Variants in ANKRD44 observed in about 807,000 individuals in gnomAD.
ANKRD44 encodes serine/threonine-protein phosphatase 6 regulatory ankyrin repeat subunit B.
A neutral mutation model predicts 116.0 loss-of-function variants in ANKRD44; 35 were observed. The ratio of observed to expected loss-of-function variants is 0.30; its 90% confidence interval spans 0.23 to 0.40. The LOEUF is 0.40. Ranked by LOEUF, ANKRD44 falls within the 10% of genes least tolerant of loss-of-function variation. The pLI is 1.00. For synonymous variants in ANKRD44, 435 were observed against 461.8 expected, an observed-to-expected ratio of 0.94 and a Z score of 0.74; for missense variants, 1,014 against 1,242.6, an observed-to-expected ratio of 0.82 and a Z score of 2.77.
intron 22 of ANKRD44, 104 bp from the exon 23 acceptor site, chr2:197,000,606 T>A: frequency 1.1e-6 from 1 of 922,070 alleles, no homozygotes; most frequent in Non-Finnish European, 1.7e-6. Flanking sequence ...CTGAAGCATT[T>A]AAAAAATCGA....
rs144144101 is a variant in ANKRD44, at chr2:197,198,952, C to T, written c.28-11846G>A. On this transcript the variant is annotated intron_variant, in intron 1 of 27. Coordinates refer to ENST00000282272, the MANE Select transcript of ANKRD44 (RefSeq NM_001195144.2). Reference sequence around the variant, plus strand: ...CTCGGGAGCAGCGCCAGCCCGACATCGGCGGAGGAGCACCGGAAGTTCTGC... The same window carrying T: ...CTCGGGAGCAGCGCCAGCCCGACATTGGCGGAGGAGCACCGGAAGTTCTGC... 6.5e-3 allele frequency: 985 copies of T among 152,450 alleles called. 4 individuals carry two copies. The highest frequency in any genetic ancestry group is 0.014 in the Middle Eastern group (4 of 296). 9.4% of individuals were successfully genotyped at this position (152,450 alleles called of 1,614,324 possible).
intron 10 of ANKRD44, among the ~76,000 whole-genome samples, chr2:197,090,899 C>T (rs1275986139): frequency 1.3e-5 from 2 of 152,318 alleles, no homozygotes; most frequent in East Asian, 3.9e-4. Context: ...CCCATCCCAT[C>T]CCCTTTTCAG....
At chr2:197,129,140 CTTTTTTT>C (rs761063333) in intron 4 of ANKRD44, among the ~76,000 whole-genome samples, 1 of 142,092 alleles carries the variant, frequency 7.0e-6, no homozygotes, top group Non-Finnish European at 1.5e-5. Context: ...GTTTCTTTTT[CTTTTTTT>C]TTTTTTTGAG....
At chr2:197,112,703 G>C (rs1428824748) in intron 8 of ANKRD44, among the ~76,000 whole-genome samples, 1 of 121,802 alleles carries the variant, frequency 8.2e-6, no homozygotes, top group Non-Finnish European at 1.7e-5. Flanking sequence ...GCGAGACTCC[G>C]TCTCAAAAAA....
chr2:197,195,430 C>T (rs2125636090), intron 1 of ANKRD44, among the ~76,000 whole-genome samples: 1 of 152,292 alleles, frequency 6.6e-6, no homozygotes, highest in East Asian at 1.9e-4. Context: ...GCTGTTGCTA[C>T]AATCCAAGCC....
At chr2:197,158,186 C>T (rs188034688) in intron 2 of ANKRD44, among the ~76,000 whole-genome samples, 31 of 152,286 alleles carry the variant, frequency 2.0e-4, no homozygotes, top group African/African-American at 6.0e-4. Context: ...AGCAGGTCTT[C>T]GGAGTACCAC....
intron 2 of ANKRD44, among the ~76,000 whole-genome samples, chr2:197,149,541 C>T (rs1439323841): frequency 2.6e-5 from 4 of 152,152 alleles, no homozygotes; most frequent in South Asian, 2.1e-4. Context: ...AATAACTATG[C>T]GAATTGATAC....
chr2:197,012,141 G>C (rs1244446234), intron 18 of ANKRD44, among the ~76,000 whole-genome samples: 1 of 152,218 alleles, frequency 6.6e-6, no homozygotes, highest in Non-Finnish European at 1.5e-5. Flanking sequence ...TAAAGCTTCT[G>C]CACAGTAGAC....
intron 1 of ANKRD44, among the ~76,000 whole-genome samples, chr2:197,303,172 C>T (rs2083964053): frequency 1.3e-5 from 2 of 152,200 alleles, no homozygotes; most frequent in African/African-American, 4.8e-5. Context: ...TTTAAAGCTG[C>T]CACAAACACA....
chr2:197,111,429 G>C (rs1006200088), intron 8 of ANKRD44, among the ~76,000 whole-genome samples: 1 of 152,054 alleles, frequency 6.6e-6, no homozygotes, highest in African/African-American at 2.4e-5. Flanking sequence ...GATCGTTTGA[G>C]ATAGTTCAAG....
intron 2 of ANKRD44, among the ~76,000 whole-genome samples, chr2:197,171,996 C>CT (rs1559122763): frequency 3.1e-4 from 9 of 29,310 alleles, no homozygotes; most frequent in Non-Finnish European, 8.5e-4. Flanking sequence ...CGTTATTTTT[C>CT]TTCTTTTTTT....
chr2:197,168,029 G>C (rs1023170743), intron 2 of ANKRD44, among the ~76,000 whole-genome samples: 3 of 152,216 alleles, frequency 2.0e-5, no homozygotes, highest in African/African-American at 7.2e-5. Flanking sequence ...CCTGTCACAA[G>C]TTCAACAACC....
chr2:197,204,683 C>G (rs1338494311), intron 1 of ANKRD44, among the ~76,000 whole-genome samples: 2 of 152,210 alleles, frequency 1.3e-5, no homozygotes, highest in Non-Finnish European at 2.9e-5. Context: ...CAATATTTTT[C>G]AAACACCACA....
intron 1 of ANKRD44, among the ~76,000 whole-genome samples, chr2:197,238,569 A>G (rs1362324828): frequency 6.6e-6 from 1 of 152,208 alleles, no homozygotes; most frequent in Non-Finnish European, 1.5e-5. Flanking sequence ...ATGTTACAGA[A>G]AACCCAAAAT....
At chr2:197,177,130 T>C (rs907525945) in intron 2 of ANKRD44, among the ~76,000 whole-genome samples, 5 of 152,226 alleles carry the variant, frequency 3.3e-5, no homozygotes, top group Non-Finnish European at 5.9e-5. Flanking sequence ...TGGTTACCTC[T>C]GCCCATTCAC....
At chr2:197,154,914 T>C (rs2079769584) in intron 2 of ANKRD44, among the ~76,000 whole-genome samples, 1 of 152,192 alleles carries the variant, frequency 6.6e-6, no homozygotes, top group Non-Finnish European at 1.5e-5. Context: ...GTAACATGGA[T>C]ATATATTTCT....
chr2:197,000,034 G>C (rs1210003840), intron 23 of ANKRD44, among the ~76,000 whole-genome samples: 1 of 152,120 alleles, frequency 6.6e-6, no homozygotes, highest in Non-Finnish European at 1.5e-5. Flanking sequence ...GCTTCAAAAA[G>C]AATATGGTAA....
chr2:197,108,256 C>T (rs1397106295), intron 9 of ANKRD44, among the ~76,000 whole-genome samples: 4 of 152,290 alleles, frequency 2.6e-5, no homozygotes, highest in Middle Eastern at 3.4e-3. Flanking sequence ...TGGAGATAAT[C>T]ATAGTACCTT....
At chr2:197,095,711 T>G (rs143129501) in intron 10 of ANKRD44, among the ~76,000 whole-genome samples, 4 of 152,192 alleles carry the variant, frequency 2.6e-5, no homozygotes, top group Non-Finnish European at 5.9e-5. Context: ...AGCAGGTAAC[T>G]GAACCTCTCC....
Sources: gnomAD v4.1 joint callset for allele counts (sites outside exome capture counted in the v4.1 genomes callset) on GRCh38, gnomAD v4.1.1 for gene constraint, MANE v1.5 for transcripts, NCBI Gene and HGNC (gene_info 2026-07-23, HGNC 2026-07-21) for gene names.